ENOX1: variants seen among roughly 807,000 people sequenced by gnomAD.
The protein encoded by ENOX1 is ecto-NOX disulfide-thiol exchanger 1.
A neutral mutation model predicts 82.5 loss-of-function variants in ENOX1; 42 were observed. The ratio of observed to expected loss-of-function variants is 0.51; its 90% CI spans 0.40 to 0.66. The LOEUF (loss-of-function observed/expected upper bound fraction) is 0.66, where lower values mean the gene tolerates loss of function less well. Among genes scored for constraint, ENOX1 ranks in the 30% least tolerant of loss-of-function variants. The pLI is 0.00. For synonymous variants in ENOX1, 271 were observed against 282.2 expected, an observed-to-expected ratio of 0.96 and a Z score of 0.40; for missense variants, 608 against 811.6, an observed-to-expected ratio of 0.75 and a Z score of 3.05.
intron 2 of ENOX1, among the ~76,000 whole-genome samples, chr13:43,504,118 C>T (rs1278609863): frequency 1.3e-5 from 2 of 151,498 alleles, no homozygotes; most frequent in Non-Finnish European, 3.0e-5. Context: ...AAATTCAAAT[C>T]AAAACTGAGA....
chr13:43,438,990 A>T (rs1214787660), intron 3 of ENOX1, among the ~76,000 whole-genome samples: 1 of 151,490 alleles, frequency 6.6e-6, no homozygotes, highest in Non-Finnish European at 1.5e-5. Context: ...TATGCTCAAC[A>T]GTGTATTATT....
chr13:43,346,713 T>A (rs2153547270), intron 8 of ENOX1, among the ~76,000 whole-genome samples: 1 of 152,290 alleles, frequency 6.6e-6, no homozygotes, highest in East Asian at 1.9e-4. Flanking sequence ...GAGAGGCCCA[T>A]AATTTAGCAT....
At chr13:43,216,405 T>C (rs962572072) in intron 16 of ENOX1, among the ~76,000 whole-genome samples, 1 of 152,212 alleles carries the variant, frequency 6.6e-6, no homozygotes, top group African/African-American at 2.4e-5. Flanking sequence ...TATGTAGACA[T>C]GTATATGTGT....
chr13:43,420,883 A>G (rs1178844499), intron 3 of ENOX1, among the ~76,000 whole-genome samples: 1 of 152,212 alleles, frequency 6.6e-6, no homozygotes, highest in Non-Finnish European at 1.5e-5. Context: ...ATAACGCATG[A>G]TAAAGACTCA....
At chr13:43,518,093 T>C (rs2077623303) in intron 2 of ENOX1, among the ~76,000 whole-genome samples, 1 of 152,148 alleles carries the variant, frequency 6.6e-6, no homozygotes, top group Non-Finnish European at 1.5e-5. Context: ...GAAACATAGA[T>C]GCTTGTTCAA....
intron 5 of ENOX1, among the ~76,000 whole-genome samples, chr13:43,363,372 A>T (rs1331819314): frequency 6.6e-6 from 1 of 152,164 alleles, no homozygotes; most frequent in Non-Finnish European, 1.5e-5. Flanking sequence ...ATCTAGAATG[A>T]CCCAACATGA....
At chr13:43,695,668 G>A (rs1010074253) in intron 1 of ENOX1, among the ~76,000 whole-genome samples, 1 of 151,948 alleles carries the variant, frequency 6.6e-6, no homozygotes, top group Non-Finnish European at 1.5e-5. Context: ...GGCTAGTCTC[G>A]AACTCCTGAC....
intron 16 of ENOX1, 106 bp downstream of exon 16, chr13:43,223,947 C>G (rs1301435371): frequency 1.3e-6 from 1 of 787,262 alleles, no homozygotes; most frequent in Non-Finnish European, 2.2e-6. Context: ...GATCAACCCC[C>G]ATAGGCTGCT....
chr13:43,622,429 CAT>C (rs2153746657), intron 2 of ENOX1, among the ~76,000 whole-genome samples: 1 of 152,314 alleles, frequency 6.6e-6, no homozygotes, highest in South Asian at 2.1e-4. Flanking sequence ...TCTTTTGTCT[CAT>C]GTGGTGTTCC....
intron 14 of ENOX1, among the ~76,000 whole-genome samples, chr13:43,264,145 A>G (rs555174521): frequency 3.9e-4 from 60 of 152,386 alleles, no homozygotes; most frequent in Non-Finnish European, 6.3e-4. Flanking sequence ...TCATTACAAT[A>G]TTATGACATG....
intron 14 of ENOX1, among the ~76,000 whole-genome samples, chr13:43,256,245 A>C (rs1427153379): frequency 6.6e-6 from 1 of 152,224 alleles, no homozygotes; most frequent in Non-Finnish European, 1.5e-5. Flanking sequence ...TGGTCTACGC[A>C]AAGATTTTTT....
At chr13:43,577,507 C>T (rs1180511891) in intron 2 of ENOX1, among the ~76,000 whole-genome samples, 1 of 152,194 alleles carries the variant, frequency 6.6e-6, no homozygotes, top group East Asian at 1.9e-4. Flanking sequence ...CACCTTATGG[C>T]TGTATTCCCC....
intron 2 of ENOX1, among the ~76,000 whole-genome samples, chr13:43,513,116 A>G (rs1257587447): frequency 6.6e-6 from 1 of 152,002 alleles, no homozygotes; most frequent in Non-Finnish European, 1.5e-5. Flanking sequence ...CAAGAGCAGC[A>G]TGGTCAACAT....
chr13:43,573,247 G>A (rs1401434515), intron 2 of ENOX1, among the ~76,000 whole-genome samples: 1 of 152,114 alleles, frequency 6.6e-6, no homozygotes, highest in Admixed American at 6.5e-5. Flanking sequence ...TCTTATCTCA[G>A]TGACTTCTCC....
At chr13:43,679,360 C>A (rs1353480983) in intron 1 of ENOX1, among the ~76,000 whole-genome samples, 2 of 152,244 alleles carry the variant, frequency 1.3e-5, no homozygotes, top group African/African-American at 2.4e-5. Flanking sequence ...TTACCAGGAA[C>A]AATTCCCAGC....
chr13:43,419,554 A>T (rs2054850453), intron 3 of ENOX1, among the ~76,000 whole-genome samples: 1 of 150,002 alleles, frequency 6.7e-6, no homozygotes, highest in African/African-American at 2.4e-5. Context: ...TCCCTGTCTT[A>T]AAAAAAGACA....
chr13:43,780,057 A>G (rs1952171172), intron 1 of ENOX1, among the ~76,000 whole-genome samples: 1 of 151,842 alleles, frequency 6.6e-6, no homozygotes, highest in Admixed American at 6.6e-5. Flanking sequence ...GCTACTCGGG[A>G]GACTGAGGCA....
intron 3 of ENOX1, among the ~76,000 whole-genome samples, chr13:43,432,565 C>T (rs1594569178): frequency 6.6e-6 from 1 of 152,238 alleles, no homozygotes; most frequent in East Asian, 1.9e-4. Flanking sequence ...ATTGCTTGAG[C>T]CTGGGAGGCA....
intron 14 of ENOX1, among the ~76,000 whole-genome samples, chr13:43,244,204 C>T (rs1173073660): frequency 6.6e-6 from 1 of 150,972 alleles, no homozygotes; most frequent in Non-Finnish European, 1.5e-5. Context: ...ATGGATAATA[C>T]CATGTGCCTC....
Sources: gnomAD v4.1 joint callset for allele counts (sites outside exome capture counted in the v4.1 genomes callset) on GRCh38, gnomAD v4.1.1 for gene constraint, MANE v1.5 for transcripts, NCBI Gene and HGNC (gene_info 2026-07-23, HGNC 2026-07-21) for gene names.